Variants in APELA observed in about 807,000 individuals in gnomAD.
APELA encodes the protein apelin receptor early endogenous ligand.
At chr4:164,877,449 G>T in intron 1 of APELA, 42 bp downstream of exon 1, 1 of 398,908 alleles carries the variant, frequency 2.5e-6, no homozygotes, top group Non-Finnish European at 4.4e-6. Flanking sequence ...TGTTTTGCCT[G>T]TTTGCATCCC....
rs576982198 is a variant in APELA, at chr4:164,890,840, C to T, written c.*2-4576C>T. On this transcript the variant is annotated intron_variant, in intron 2 of 2. Coordinates refer to ENST00000507152, the MANE Select transcript of APELA (RefSeq NM_001297550.2). ...AAACTGTTTTTCACAGTAGTGGCAT[C>T]ATTTCACATTCCCACCAGCAGTATA... Among the ~76,000 whole-genome samples, 4 of 152,304 alleles carry T rather than the reference C, an allele frequency of 2.6e-5. No homozygotes were observed. In the East Asian group the frequency reaches 7.7e-4, roughly 29 times the overall value.
intron 2 of APELA, among the ~76,000 whole-genome samples, chr4:164,891,104 T>C (rs1730873766): frequency 6.6e-6 from 1 of 152,212 alleles, no homozygotes; most frequent in African/African-American, 2.4e-5. Context: ...AAGATATATA[T>C]ATATGTGTGT....
intron 2 of APELA, among the ~76,000 whole-genome samples, chr4:164,893,730 A>G (rs962606188): frequency 7.2e-5 from 11 of 152,074 alleles, no homozygotes; most frequent in East Asian, 1.9e-4. Context: ...CAAAGAACCT[A>G]TGGTTAATCA....
chr4:164,898,226 G>A (rs1215102801), downstream of APELA, among the ~76,000 whole-genome samples: 1 of 151,638 alleles, frequency 6.6e-6, no homozygotes, highest in Non-Finnish European at 1.5e-5. Flanking sequence ...TTGTGGCCGG[G>A]CGTGGTGGCT....
intron 2 of APELA, among the ~76,000 whole-genome samples, chr4:164,885,707 C>T (rs1730757106): frequency 6.6e-6 from 1 of 151,758 alleles, no homozygotes; most frequent in South Asian, 2.1e-4. Flanking sequence ...CGCCATTGCA[C>T]TCCAGCCTGG....
intron 2 of APELA, among the ~76,000 whole-genome samples, chr4:164,881,931 TG>T (rs1412317749): frequency 6.6e-6 from 1 of 151,440 alleles, no homozygotes; most frequent in Non-Finnish European, 1.5e-5. Context: ...CCTAGCTATT[TG>T]GGGGGCTGAG....
intron 2 of APELA, among the ~76,000 whole-genome samples, chr4:164,893,005 C>T (rs1374855523): frequency 6.6e-6 from 1 of 152,020 alleles, no homozygotes; most frequent in Admixed American, 6.6e-5. Context: ...TATTCTTGGT[C>T]AGTCTAAATA....
intron 2 of APELA, among the ~76,000 whole-genome samples, chr4:164,882,492 A>G (rs1439538737): frequency 4.6e-5 from 7 of 152,138 alleles, no homozygotes; most frequent in Admixed American, 4.6e-4. Context: ...TCAAAAGTAC[A>G]AGTTCCCCAT....
intron 2 of APELA, among the ~76,000 whole-genome samples, chr4:164,893,173 G>T (rs966234878): frequency 6.6e-6 from 1 of 152,030 alleles, no homozygotes; most frequent in African/African-American, 2.4e-5. Flanking sequence ...TCCATGTTTA[G>T]GGTCTTAAGT....
In APELA at chr4:164,897,449, CA is replaced by C. The variant is rs1579115193; in HGVS notation, c.*2038del. The C allele has an allele frequency of 6.6e-6, 1 of 152,170 alleles. No homozygotes were observed. Among genetic ancestry groups the C allele is most frequent in the East Asian group, 1.9e-4 (1 of 5,202 alleles). The allele number at this position is 152,170 out of a possible 1,614,324, so 9.4% of individuals were successfully genotyped here. ...ATTCGCATATTCACAGAAAAAGTTA[CA>C]AATCAGTTTTACTATTGTAAAGTAA... On this transcript the variant is annotated 3_prime_UTR_variant, in exon 3 of 3. Coordinates refer to ENST00000507152, the MANE Select transcript of APELA (RefSeq NM_001297550.2).
rs1730958307 is a variant in APELA at position 164,895,601 on chromosome 4, C to T, written c.*187C>T. 6.6e-6 allele frequency: 1 copy of T among 152,158 alleles called. No individual in the cohort carries two copies. The highest frequency in any genetic ancestry group is 1.5e-5 in the Non-Finnish European group (1 of 68,022). 9.4% of individuals were successfully genotyped at this position (152,158 alleles called of 1,614,324 possible). On this transcript the variant is annotated 3_prime_UTR_variant, in exon 3 of 3. Transcript: ENST00000507152. Reference sequence around the variant, plus strand: ...CTTCACAGGATTTTATTCTTCTTGGCTTCTATTTGGAGGGAAAATAACATA... The same window carrying T: ...CTTCACAGGATTTTATTCTTCTTGGTTTCTATTTGGAGGGAAAATAACATA...
intron 2 of APELA, among the ~76,000 whole-genome samples, chr4:164,890,391 G>GGC (rs1033463047): frequency 1.3e-5 from 2 of 151,996 alleles, no homozygotes; most frequent in African/African-American, 4.8e-5. Context: ...CTCATTAGCA[G>GGC]GCACTCCCCA....
intron 2 of APELA, among the ~76,000 whole-genome samples, chr4:164,881,872 C>CAAA (rs11340116): frequency 7.2e-6 from 1 of 139,828 alleles, no homozygotes; most frequent in African/African-American, 2.6e-5. Flanking sequence ...TTGTCTCTAC[C>CAAA]AAAAAAAAAA....
intron 2 of APELA, among the ~76,000 whole-genome samples, chr4:164,881,835 G>A (rs1485859005): frequency 6.7e-6 from 1 of 148,868 alleles, no homozygotes; most frequent in African/African-American, 2.5e-5. Context: ...AGGAGTTCAA[G>A]ACCAGCCTGG....
chr4:164,879,294 G>A, intron 2 of APELA: 1 of 267,562 alleles, frequency 3.7e-6, no homozygotes, highest in Non-Finnish European at 7.0e-6. Flanking sequence ...TATTGCGGAT[G>A]TTATGCAGAA....
chr4:164,879,208 A>G (rs1485643197), intron 2 of APELA, 199 bp downstream of exon 2: 1 of 375,814 alleles, frequency 2.7e-6, no homozygotes, highest in Non-Finnish European at 4.7e-6. Flanking sequence ...AAGGAAGAAA[A>G]TTAGACAGAT....
intron 2 of APELA, among the ~76,000 whole-genome samples, chr4:164,881,214 A>G (rs1459320768): frequency 6.6e-6 from 1 of 152,072 alleles, no homozygotes. Context: ...TAGGTAGTGG[A>G]CTCTAAGGCA....
chr4:164,894,297 C>T (rs1730932019), intron 2 of APELA, among the ~76,000 whole-genome samples: 3 of 152,082 alleles, frequency 2.0e-5, no homozygotes, highest in Admixed American at 6.5e-5. Context: ...TGTGCTTCAA[C>T]CTGGGCGACA....
At chr4:164,891,341 A>G (rs954941022) in intron 2 of APELA, among the ~76,000 whole-genome samples, 2 of 152,174 alleles carry the variant, frequency 1.3e-5, no homozygotes, top group Non-Finnish European at 2.9e-5. Flanking sequence ...AATTTCTGCA[A>G]AGAGCCATTT....
Sources: gnomAD v4.1 joint callset for allele counts (sites outside exome capture counted in the v4.1 genomes callset) on GRCh38, gnomAD v4.1.1 for gene constraint, MANE v1.5 for transcripts, NCBI Gene and HGNC (gene_info 2026-07-23, HGNC 2026-07-21) for gene names.